LRRC1: variants seen among roughly 807,000 people sequenced by gnomAD.
LRRC1 encodes leucine rich repeat containing 1, also known as leucine-rich repeat-containing protein 1.
LRRC1 carries 28 observed loss-of-function variants against 69.9 expected under a neutral mutation model. The observed-to-expected ratio is 0.40, with a 90% CI of 0.30 to 0.55. The LOEUF is 0.55. LRRC1 is among the 20% of genes least tolerant of loss of function. The probability of loss-of-function intolerance (pLI) is 0.47; values close to 1 mark genes in which losing one functional copy is unlikely to be tolerated. For synonymous variants in LRRC1, 236 were observed against 240.2 expected (o/e 0.98, Z 0.16); for missense variants, 498 against 609.0 (o/e 0.82, Z 1.92).
intron 2 of LRRC1, among the ~76,000 whole-genome samples, chr6:53,852,292 A>G (rs552208504): frequency 6.6e-6 from 1 of 152,362 alleles, no homozygotes; most frequent in Admixed American, 6.5e-5. Flanking sequence ...AGATGCTGTA[A>G]TTCTATCATC....
At chr6:53,849,582 A>G (rs1309194999) in intron 2 of LRRC1, among the ~76,000 whole-genome samples, 2 of 152,246 alleles carry the variant, frequency 1.3e-5, no homozygotes, top group Non-Finnish European at 2.9e-5. Flanking sequence ...TAACACCAAC[A>G]TGCTCGCACC....
chr6:53,841,498 A>G (rs1765788926), intron 1 of LRRC1, among the ~76,000 whole-genome samples: 1 of 151,940 alleles, frequency 6.6e-6, no homozygotes, highest in Admixed American at 6.6e-5. Context: ...CATTATATTT[A>G]TGTTCATGTG....
Position 53,920,737 on chromosome 6 carries a change from G to C in LRRC1, c.1392G>C (p.Glu464Asp). ...GTGCGATCCGATTTGTGGAGGATGA[G>C]AAAGATGAAGAAGACAATGAGACGG... ...RVSAIRFVED[E>D]KDEEDNETRT... The change falls in exon 13 of 14, where the codon GAG becomes GAC. Residue 464 changes from glutamate to aspartate, a missense_variant. Coordinates refer to ENST00000370888, the MANE Select transcript of LRRC1 (RefSeq NM_018214.5). The C allele has an allele frequency of 6.2e-7, 1 of 1,614,204 alleles. No individual in the cohort carries two copies. Among genetic ancestry groups the C allele is most frequent in the Middle Eastern group, 1.6e-4 (1 of 6,062 alleles).
intron 4 of LRRC1, among the ~76,000 whole-genome samples, chr6:53,889,328 CA>C (rs1314935573): frequency 6.6e-6 from 1 of 151,946 alleles, no homozygotes; most frequent in Non-Finnish European, 1.5e-5. Context: ...ACATAGTTAC[CA>C]TGTGACCTAG....
chr6:53,920,809 G>C, intron 13 of LRRC1, 48 bp downstream of exon 13: 1 of 1,594,584 alleles, frequency 6.3e-7, no homozygotes, highest in Non-Finnish European at 8.6e-7. Context: ...AAAATTAAAA[G>C]ATTAGAATGG....
Position 53,897,373 on chromosome 6 carries a change from TCA to T in LRRC1, c.642+17_642+18del, listed in dbSNP as rs776600576. On this transcript the variant is annotated intron_variant, in intron 7 of 13. Transcript: ENST00000370888. Reference sequence around the variant, plus strand: ...GAATTACCTCAGGTAAGTGGTAATTTCACAGTGTCTCCCCAAAACATAAAACA... The same window carrying T: ...GAATTACCTCAGGTAAGTGGTAATTTCAGTGTCTCCCCAAAACATAAAACA... The T allele has an allele frequency of 6.4e-7, 1 of 1,555,324 alleles. No homozygotes were observed. The highest frequency in any genetic ancestry group is 1.4e-5 in the African/African-American group (1 of 73,626).
At chr6:53,920,169 T>A (rs898809371) in intron 12 of LRRC1, among the ~76,000 whole-genome samples, 5 of 152,194 alleles carry the variant, frequency 3.3e-5, no homozygotes, top group Non-Finnish European at 5.9e-5. Context: ...CCTGGGGGAA[T>A]GGGAGCCCAA....
Position 53,923,056 on chromosome 6 carries a change from G to C in LRRC1, c.*263G>C, listed in dbSNP as rs140049398. 1.2e-3 allele frequency: 381 copies of C among 311,616 alleles called. 2 individuals are homozygous for C. The highest frequency in any genetic ancestry group is 7.5e-3 in the African/African-American group (350 of 46,924). 19.3% of individuals were successfully genotyped at this position (311,616 alleles called of 1,614,324 possible). A position where few individuals can be genotyped will look rare whatever the true frequency, so the allele number is the denominator to read the frequency against. ...GTAGAATACACTACTGTAAACATAC[G>C]ACCTTTGTTTTTGTCTTATGTTGGG... On this transcript the variant is annotated 3_prime_UTR_variant, in exon 14 of 14. Transcript: ENST00000370888.
At chr6:53,895,131 A>T (rs377009053) in intron 4 of LRRC1, among the ~76,000 whole-genome samples, 6 of 151,822 alleles carry the variant, frequency 4.0e-5, no homozygotes, top group African/African-American at 1.5e-4. Context: ...GTTAGCCGGG[A>T]TGGTCTCGAT....
rs570604640 is a variant in LRRC1 at position 53,873,080 on chromosome 6, T to C, written c.278-5913T>C. On this transcript the variant is annotated intron_variant, in intron 2 of 13. Coordinates refer to ENST00000370888, the MANE Select transcript of LRRC1 (RefSeq NM_018214.5). Reference sequence around the variant, plus strand: ...CCACAATGTTAATTCTTCTAACCCATAAGCACAGTATATCTTTCCATTTAT... The same window carrying C: ...CCACAATGTTAATTCTTCTAACCCACAAGCACAGTATATCTTTCCATTTAT... Among the ~76,000 whole-genome samples, 4 of 152,134 alleles carry C rather than the reference T, an allele frequency of 2.6e-5. No homozygotes were observed. In the East Asian group the frequency reaches 7.8e-4, roughly 30 times the overall value.
chr6:53,916,551 G>A (rs1245012981), intron 11 of LRRC1, among the ~76,000 whole-genome samples: 2 of 152,016 alleles, frequency 1.3e-5, no homozygotes, highest in Non-Finnish European at 2.9e-5. Context: ...ACTTATTTGT[G>A]CATTATACCC....
At chr6:53,828,854 C>G (rs1327593161) in intron 1 of LRRC1, among the ~76,000 whole-genome samples, 1 of 152,148 alleles carries the variant, frequency 6.6e-6, no homozygotes, top group Non-Finnish European at 1.5e-5. Flanking sequence ...AGCACTTAGC[C>G]TCATCCTACC....
chr6:53,803,815 G>T (rs1764560094), intron 1 of LRRC1, among the ~76,000 whole-genome samples: 1 of 152,168 alleles, frequency 6.6e-6, no homozygotes, highest in Admixed American at 6.5e-5. Context: ...GCATGTTCCA[G>T]ACTGACTCCT....
chr6:53,857,967 C>G (rs1374106678), intron 2 of LRRC1, among the ~76,000 whole-genome samples: 1 of 152,246 alleles, frequency 6.6e-6, no homozygotes, highest in Non-Finnish European at 1.5e-5. Flanking sequence ...TCATAACACT[C>G]TGCTCATAAT....
chr6:53,819,238 G>T (rs1562029321), intron 1 of LRRC1, among the ~76,000 whole-genome samples: 4 of 152,152 alleles, frequency 2.6e-5, no homozygotes. Context: ...TTGGAGAAAG[G>T]AAGTTCGGGT....
intron 1 of LRRC1, among the ~76,000 whole-genome samples, chr6:53,840,557 C>T (rs1237149152): frequency 3.3e-5 from 5 of 151,982 alleles, no homozygotes; most frequent in East Asian, 1.9e-4. Flanking sequence ...CTTTCAACTA[C>T]GAATTACTTT....
In LRRC1 at chr6:53,924,075, C is replaced by CAT. The variant is rs1467139320; in HGVS notation, c.*1289_*1290dup. 1 of 152,622 alleles carries CAT rather than the reference C, an allele frequency of 6.6e-6. No individual in the cohort carries two copies. The highest frequency in any genetic ancestry group is 1.9e-4 in the East Asian group (1 of 5,196). The allele number at this position is 152,622 out of a possible 1,614,324, so 9.5% of individuals were successfully genotyped here. A position where few individuals can be genotyped will look rare whatever the true frequency, so the allele number is the denominator to read the frequency against. The stretch of plus-strand genomic sequence containing the variant: ...GTCACTGTGTGGTGTCTAGGAAAAT[C>CAT]ATATATATTTTTTTCTCCAAGAAAT... On this transcript the variant is annotated 3_prime_UTR_variant, in exon 14 of 14. Transcript: ENST00000370888.
At chr6:53,887,491 CTT>C (rs1395558847) in intron 4 of LRRC1, among the ~76,000 whole-genome samples, 5 of 148,246 alleles carry the variant, frequency 3.4e-5, no homozygotes. Flanking sequence ...GGTAGGGACT[CTT>C]TGAGGTGCAT....
chr6:53,890,939 GA>G (rs973288379), intron 4 of LRRC1, among the ~76,000 whole-genome samples: 5 of 152,234 alleles, frequency 3.3e-5, no homozygotes, highest in African/African-American at 1.2e-4. Context: ...CGCTAAAATG[GA>G]AAAAAATTAA....
Sources: gnomAD v4.1 joint callset for allele counts (sites outside exome capture counted in the v4.1 genomes callset) on GRCh38, gnomAD v4.1.1 for gene constraint, MANE v1.5 for transcripts, NCBI Gene and HGNC (gene_info 2026-07-23, HGNC 2026-07-21) for gene names.